Variants in CFAP73 observed in about 807,000 individuals in gnomAD.
The protein encoded by CFAP73 is cilia- and flagella-associated protein 73.
In CFAP73, 33 loss-of-function variants were observed where a neutral mutation model predicts 42.9. That is an observed-to-expected ratio of 0.77 (90% CI 0.58 to 1.03). CFAP73 has a LOEUF of 1.03. CFAP73 is among the 50% of genes least tolerant of loss of function. CFAP73 has a pLI of 0.00. For missense variants in CFAP73, 392 were observed against 411.9 expected, an observed-to-expected ratio of 0.95 and a Z score of 0.42; for synonymous variants, 162 against 186.8, an observed-to-expected ratio of 0.87 and a Z score of 1.08.
At position 113,159,224 on chromosome 12, in the gene CFAP73, G is replaced by T; in HGVS notation, c.*535G>T. The stretch of plus-strand genomic sequence containing the variant: ...CTACTCCTGTTCTGTGCTTATTGCT[G>T]TGGCCCAGTGTCTGTACACAGTAGG... On this transcript the variant is annotated 3_prime_UTR_variant, in exon 8 of 8. Transcript: ENST00000335621. The T allele has an allele frequency of 8.6e-7, 1 of 1,167,498 alleles. No homozygotes were observed. The highest frequency in any genetic ancestry group is 1.2e-6 in the Non-Finnish European group (1 of 843,392). 72.3% of individuals were successfully genotyped at this position (1,167,498 alleles called of 1,614,324 possible). A position where few individuals can be genotyped will look rare whatever the true frequency, so the allele number is the denominator to read the frequency against.
At position 113,159,014 on chromosome 12, in the gene CFAP73, G is replaced by C; in HGVS notation, c.*325G>C. 3 of 1,611,848 alleles carry C rather than the reference G, an allele frequency of 1.9e-6. No individual in the cohort carries two copies. Among genetic ancestry groups the C allele is most frequent in the Non-Finnish European group, 2.5e-6 (3 of 1,179,310 alleles). ...CCACGCTGCAGGAAGTGCAGCTTCT[G>C]GGCCCGGCGCCGCTGCTTCAGGATC... On this transcript the variant is annotated 3_prime_UTR_variant, in exon 8 of 8. Transcript: ENST00000335621.
In CFAP73 at chr12:113,158,953, C is replaced by A. The variant is rs151166999; in HGVS notation, c.*264C>A. ...GGCGCCCTGCTGCAGCTCCTGGACG[C>A]GGCGGCGGTTGCGGGCAGAGAGCTG... On this transcript the variant is annotated 3_prime_UTR_variant, in exon 8 of 8. Coordinates refer to ENST00000335621, the MANE Select transcript of CFAP73 (RefSeq NM_001144872.3). The surrounding 1 kb of genome is among the most constrained non-coding windows in gnomAD (Gnocchi z 4.9). The A allele has an allele frequency of 6.2e-7, 1 of 1,611,642 alleles. No homozygotes were observed. Among genetic ancestry groups the A allele is most frequent in the Non-Finnish European group, 8.5e-7 (1 of 1,178,990 alleles).
At position 113,154,123 on chromosome 12, in the gene CFAP73, C is replaced by A. The variant is rs906839186; in HGVS notation, c.469-291C>A. 5.3e-5 allele frequency among the ~76,000 whole-genome samples: 8 copies of A among 151,976 alleles called. 1 individual carries two copies. The highest frequency in any genetic ancestry group is 1.9e-4 in the African/African-American group (8 of 41,394). On this transcript the variant is annotated intron_variant, in intron 4 of 7. Transcript: ENST00000335621. The surrounding 1 kb of genome is among the most constrained non-coding windows in gnomAD (Gnocchi z 4.7). The stretch of plus-strand genomic sequence containing the variant: ...TAACATAGAGTGACACCTGTCTCTA[C>A]AAAAAATTAGTCGGGCGTGGTGGCG...
In CFAP73 at chr12:113,159,079, G is replaced by A; in HGVS notation, c.*390G>A. 1 of 1,606,206 alleles carries A rather than the reference G, an allele frequency of 6.2e-7. No individual in the cohort carries two copies. Among genetic ancestry groups the A allele is most frequent in the Non-Finnish European group, 8.5e-7 (1 of 1,177,268 alleles). On this transcript the variant is annotated 3_prime_UTR_variant, in exon 8 of 8. Coordinates refer to ENST00000335621, the MANE Select transcript of CFAP73 (RefSeq NM_001144872.3). The stretch of plus-strand genomic sequence containing the variant: ...GAGTTCCGGGCGGACTCGGCCTGCA[G>A]GGGTGCCTGGGGCGTGGGGCCGGGA...
In CFAP73 at chr12:113,151,654, C is replaced by T. The variant is rs74572368; in HGVS notation, c.57-264C>T. On this transcript the variant is annotated intron_variant, in intron 1 of 7. Transcript: ENST00000335621. ...CAAAAATAAAAAAATAAAAATTAGCCGGGTGTGGTGGCACATGCCTGCAGT... is the reference window on the plus strand; with the variant it reads ...CAAAAATAAAAAAATAAAAATTAGCTGGGTGTGGTGGCACATGCCTGCAGT... Among the ~76,000 whole-genome samples, 1,225 of 151,954 alleles carry T rather than the reference C, an allele frequency of 8.1e-3. 47 individuals carry two copies. In the East Asian group the frequency reaches 0.14, roughly 18 times the overall value.
At chr12:113,155,848 C>T (rs1277369403) in intron 6 of CFAP73, among the ~76,000 whole-genome samples, 4 of 152,056 alleles carry the variant, frequency 2.6e-5, no homozygotes, top group African/African-American at 9.7e-5. Flanking sequence ...TCCCTGCTTC[C>T]TGCACAGAGA....
chr12:113,154,456 G>T lies in CFAP73; in HGVS notation c.511G>T (p.Ala171Ser). The T allele has an allele frequency of 6.5e-7, 1 of 1,546,736 alleles. No individual in the cohort carries two copies. The change falls in exon 5 of 8, where the codon GCC becomes TCC. Residue 171 changes from alanine to serine, a missense_variant. Coordinates refer to ENST00000335621, the MANE Select transcript of CFAP73 (RefSeq NM_001144872.3). This position sits in a 1 kb window ranked among gnomAD's most constrained non-coding sequence, Gnocchi z 4.7. ...GCTGGTGGCGCGCTTCGACGGCCTGGCCGAGACGCAGGCGGCGCTGAGGCT... is the reference window on the plus strand; with the variant it reads ...GCTGGTGGCGCGCTTCGACGGCCTGTCCGAGACGCAGGCGGCGCTGAGGCT... ...PELVARFDGL[A>S]ETQAALRLRE... is the part of the protein sequence containing the mutation.
At chr12:113,155,929 CT>C (rs200795985) in intron 6 of CFAP73, among the ~76,000 whole-genome samples, 12,836 of 136,266 alleles carry the variant, frequency 0.094, 509 homozygotes, top group African/African-American at 0.14. Flanking sequence ...GTGCCATAGG[CT>C]TTTTTTTTTT....
rs1592990440 is a variant in CFAP73, at chr12:113,154,265, G to A, written c.469-149G>A. On this transcript the variant is annotated intron_variant, in intron 4 of 7. Coordinates refer to ENST00000335621, the MANE Select transcript of CFAP73 (RefSeq NM_001144872.3). This position sits in a 1 kb window ranked among gnomAD's most constrained non-coding sequence, Gnocchi z 4.7. The stretch of plus-strand genomic sequence containing the variant: ...TGCACTCCAGCCCAGGTGACAGAGC[G>A]AGACCTTGTCTCTAACAAATGGAGG... The A allele has an allele frequency of 6.1e-6, 6 of 983,576 alleles. No homozygotes were observed. Among genetic ancestry groups the A allele is most frequent in the Non-Finnish European group, 7.5e-6 (5 of 667,590 alleles). The allele number at this position is 983,576 out of a possible 1,614,324, so 60.9% of individuals were successfully genotyped here.
chr12:113,152,036 T>A lies in CFAP73; in HGVS notation c.162+13T>A. The A allele has an allele frequency of 6.5e-7, 1 of 1,534,042 alleles. No individual in the cohort carries two copies. The highest frequency in any genetic ancestry group is 1.2e-5 in the South Asian group (1 of 83,588). On this transcript the variant is annotated intron_variant, in intron 2 of 7. Coordinates refer to ENST00000335621, the MANE Select transcript of CFAP73 (RefSeq NM_001144872.3). ...GGCCCAGAAGGAGGTGAGCCCCCAC[T>A]ACTGTAACGAGGTGGTGAGCTGGTG... is the stretch of plus-strand genomic sequence containing the variant.
chr12:113,156,121 G>C (rs1434847658), intron 6 of CFAP73, among the ~76,000 whole-genome samples: 1 of 151,800 alleles, frequency 6.6e-6, no homozygotes. Flanking sequence ...GGTTTCACCA[G>C]GTTGGCCAGG....
In CFAP73 at chr12:113,158,613, A is replaced by C; in HGVS notation, c.*12-88A>C. The stretch of plus-strand genomic sequence containing the variant: ...GAACACATGGAAGCAGCAGCAGCTG[A>C]GTTGCCAACTCAAGTCTTGGCCTGC... On this transcript the variant is annotated intron_variant, in intron 7 of 7. Transcript: ENST00000335621. The surrounding 1 kb of genome is among the most constrained non-coding windows in gnomAD (Gnocchi z 4.9). 1 of 454,334 alleles carries C rather than the reference A, an allele frequency of 2.2e-6. No homozygotes were observed. Among genetic ancestry groups the C allele is most frequent in the Non-Finnish European group, 3.9e-6 (1 of 259,338 alleles). The allele number at this position is 454,334 out of a possible 1,614,324, so 28.1% of individuals were successfully genotyped here.
Position 113,155,403 on chromosome 12 carries a change from G to A in CFAP73, c.834G>A (p.Glu278=). The A allele has an allele frequency of 6.4e-7, 1 of 1,550,426 alleles. No homozygotes were observed. ...CCACCCTGGACATCGAGGACACGGA[G>A]GGACAGCTAGAGCACGTGAGGACCC... is the stretch of plus-strand genomic sequence containing the variant. ...QPPTLDIEDT[E]GQLEHVKLFM... The change falls in exon 6 of 8, where the codon GAG becomes GAA. Residue 278 remains glutamate, a synonymous_variant. Transcript: ENST00000335621.
At chr12:113,153,013 A>G (rs1952079263) in intron 3 of CFAP73, 126 bp downstream of exon 3, 2 of 817,500 alleles carry the variant, frequency 2.4e-6, no homozygotes, top group Middle Eastern at 5.3e-4. Flanking sequence ...GGCGGGAAAC[A>G]CACACGCACT....
At position 113,154,686 on chromosome 12, in the gene CFAP73, C is replaced by G. The variant is rs928365491; in HGVS notation, c.690+51C>G. On this transcript the variant is annotated intron_variant, in intron 5 of 7. Coordinates refer to ENST00000335621, the MANE Select transcript of CFAP73 (RefSeq NM_001144872.3). The surrounding 1 kb of genome is among the most constrained non-coding windows in gnomAD (Gnocchi z 4.7). ...GCTCCGGACCCCAGGCTTCCACAGC[C>G]GGGCGGGGAGGAACGCCAGGGCTGA... is the stretch of plus-strand genomic sequence containing the variant. The G allele has an allele frequency of 2.9e-6, 4 of 1,377,186 alleles. No individual in the cohort carries two copies. In the African/African-American group the frequency reaches 6.1e-5, roughly 21 times the overall value. 85.3% of individuals were successfully genotyped at this position (1,377,186 alleles called of 1,614,324 possible). A position where few individuals can be genotyped will look rare whatever the true frequency, so the allele number is the denominator to read the frequency against.
At chr12:113,152,714 T>C in intron 2 of CFAP73, 69 bp from the exon 3 acceptor site, 1 of 1,083,126 alleles carries the variant, frequency 9.2e-7, no homozygotes, top group Non-Finnish European at 1.4e-6. Context: ...AGGGGTTAGG[T>C]GTGAACCTGA....
chr12:113,157,552 T>C (rs1238084036), intron 6 of CFAP73, 50 bp from the exon 7 acceptor site: 2 of 1,502,314 alleles, frequency 1.3e-6, no homozygotes, highest in Non-Finnish European at 1.8e-6. Flanking sequence ...GGGTGGGGGC[T>C]GGACAGTGAC....
Position 113,151,793 on chromosome 12 carries a change from C to CAAA in CFAP73, c.57-109_57-107dup, listed in dbSNP as rs377474143. The CAAA allele has an allele frequency of 5.4e-3, 2,439 of 454,904 alleles. 20 individuals carry two copies. Among genetic ancestry groups the CAAA allele is most frequent in the African/African-American group, 0.036 (1,300 of 35,708 alleles). The allele number at this position is 454,904 out of a possible 1,614,324, so 28.2% of individuals were successfully genotyped here. On this transcript the variant is annotated intron_variant, in intron 1 of 7. Transcript: ENST00000335621. ...CAAAGCAAGACCCAAAAACAAGTCT[C>CAAA]AAAAAAAAAAAAAAAAAATTAAACA... is the stretch of plus-strand genomic sequence containing the variant.
chr12:113,158,677 C>G lies in CFAP73; in HGVS notation c.*12-24C>G. ...CGAACTCCTGCACACCCTTCAAGGC[C>G]CTGTTCAAATGTCTCTGTCTTAGGC... On this transcript the variant is annotated intron_variant, in intron 7 of 7. Transcript: ENST00000335621. The surrounding 1 kb of genome is among the most constrained non-coding windows in gnomAD (Gnocchi z 4.9). The G allele has an allele frequency of 1.6e-6, 1 of 621,712 alleles. No homozygotes were observed. Among genetic ancestry groups the G allele is most frequent in the South Asian group, 2.6e-5 (1 of 37,838 alleles). The allele number at this position is 621,712 out of a possible 1,614,324, so 38.5% of individuals were successfully genotyped here.
Sources: gnomAD v4.1 joint callset for allele counts (sites outside exome capture counted in the v4.1 genomes callset) on GRCh38, gnomAD v4.1.1 for gene constraint, Gnocchi (gnomAD v3.1) non-coding constraint, MANE v1.5 for transcripts, NCBI Gene and HGNC (gene_info 2026-07-23, HGNC 2026-07-21) for gene names.